WWOX: variants seen among roughly 807,000 people sequenced by gnomAD.
WWOX encodes the protein WW domain containing oxidoreductase.
Under a neutral mutation model 46.2 loss-of-function variants are expected in WWOX, and 69 were observed. The ratio of observed to expected loss-of-function variants is 1.49; its 90% CI spans 1.23 to 1.82. The LOEUF is 1.82. Ranked by LOEUF, WWOX falls within the 40% of genes most tolerant of loss-of-function variation. WWOX has a pLI of 0.00. For synonymous variants in WWOX, 359 were observed against 202.6 expected, an observed-to-expected ratio of 1.77 and a Z score of -6.56; for missense variants, 919 against 542.6, an observed-to-expected ratio of 1.69 and a Z score of -6.89.
intron 8 of WWOX, among the ~76,000 whole-genome samples, chr16:79,105,331 A>G (rs551576796): frequency 2.6e-5 from 4 of 152,284 alleles, no homozygotes; most frequent in East Asian, 3.9e-4. Context: ...AAAATAACAA[A>G]AGCAGAACGG....
chr16:78,276,932 G>T (rs553816152), intron 5 of WWOX, among the ~76,000 whole-genome samples: 15 of 152,168 alleles, frequency 9.9e-5, no homozygotes, highest in Non-Finnish European at 5.9e-5. Context: ...AGATTCCGTT[G>T]TGTGAAAAGG....
chr16:78,807,718 C>G (rs969879486), intron 8 of WWOX, among the ~76,000 whole-genome samples: 1 of 152,212 alleles, frequency 6.6e-6, no homozygotes, highest in Admixed American at 6.5e-5. Flanking sequence ...CGTACTGTTA[C>G]ATAATTGGGG....
At chr16:79,017,738 C>T (rs16949225) in intron 8 of WWOX, among the ~76,000 whole-genome samples, 1 of 151,516 alleles carries the variant, frequency 6.6e-6, no homozygotes, top group South Asian at 2.1e-4. Flanking sequence ...TCTAAAAAAG[C>T]CATGGGTTAT....
chr16:78,101,520 G>A (rs1364352697), intron 1 of WWOX, among the ~76,000 whole-genome samples: 1 of 151,810 alleles, frequency 6.6e-6, no homozygotes, highest in African/African-American at 2.4e-5. Flanking sequence ...CTAATTTCGC[G>A]CTGTTGGCCC....
chr16:78,652,189 A>G (rs929862748), intron 8 of WWOX, among the ~76,000 whole-genome samples: 3 of 152,098 alleles, frequency 2.0e-5, no homozygotes, highest in Non-Finnish European at 4.4e-5. Flanking sequence ...AGGTGGGCAG[A>G]TCACGAGGTC....
intron 8 of WWOX, among the ~76,000 whole-genome samples, chr16:78,969,532 A>G (rs1314506412): frequency 6.6e-5 from 10 of 152,012 alleles, no homozygotes; most frequent in African/African-American, 1.9e-4. Flanking sequence ...CAGCCTCCCA[A>G]AGTGCTGGGA....
At chr16:78,962,222 G>A (rs57952943) in intron 8 of WWOX, among the ~76,000 whole-genome samples, 6 of 150,256 alleles carry the variant, frequency 4.0e-5, no homozygotes, top group Admixed American at 2.7e-4. Context: ...GTGATGTTAT[G>A]TGGAGGTGGC....
At chr16:78,788,616 C>T (rs776093597) in intron 8 of WWOX, among the ~76,000 whole-genome samples, 7 of 152,174 alleles carry the variant, frequency 4.6e-5, no homozygotes, top group African/African-American at 9.7e-5. Flanking sequence ...CATACCTCGC[C>T]CTATGTGTCT....
chr16:78,941,092 C>T (rs1184405028), intron 8 of WWOX, among the ~76,000 whole-genome samples: 3 of 152,110 alleles, frequency 2.0e-5, no homozygotes, highest in Non-Finnish European at 4.4e-5. Flanking sequence ...GATTGCCTCA[C>T]ATCTTGCAAA....
At chr16:78,823,443 T>C (rs1004160868) in intron 8 of WWOX, among the ~76,000 whole-genome samples, 1 of 152,208 alleles carries the variant, frequency 6.6e-6, no homozygotes, top group Non-Finnish European at 1.5e-5. Flanking sequence ...GAAGTCATCA[T>C]CGCTTATCAT....
intron 8 of WWOX, among the ~76,000 whole-genome samples, chr16:79,015,277 A>T (rs1340230596): frequency 6.6e-6 from 1 of 152,220 alleles, no homozygotes; most frequent in African/African-American, 2.4e-5. Flanking sequence ...CAATGGGGTC[A>T]GAGGAAGCTC....
intron 8 of WWOX, among the ~76,000 whole-genome samples, chr16:79,093,525 A>T (rs2049006782): frequency 6.6e-6 from 1 of 152,056 alleles, no homozygotes; most frequent in East Asian, 1.9e-4. Flanking sequence ...AAAAAGAGTC[A>T]TTTAACAGTC....
chr16:78,868,193 C>A (rs1430471916), intron 8 of WWOX, among the ~76,000 whole-genome samples: 1 of 152,094 alleles, frequency 6.6e-6, no homozygotes, highest in Non-Finnish European at 1.5e-5. Flanking sequence ...TACTACTCAG[C>A]AATGAAAAGG....
chr16:78,484,619 A>G (rs2084584271), intron 8 of WWOX, among the ~76,000 whole-genome samples: 2 of 152,184 alleles, frequency 1.3e-5, no homozygotes, highest in Non-Finnish European at 2.9e-5. Context: ...AAGGTGGCAA[A>G]CGGTAGTATT....
Position 78,334,808 on chromosome 16 carries a change from G to GCACACACACA in WWOX, c.517-52037_517-52028dup, listed in dbSNP as rs752956790. Among the ~76,000 whole-genome samples, 12 of 78,754 alleles carry GCACACACACA rather than the reference G, an allele frequency of 1.5e-4. 2 individuals carry two copies. Among genetic ancestry groups the GCACACACACA allele is most frequent in the Non-Finnish European group, 2.3e-4 (8 of 34,462 alleles). The allele number at this position is 78,754 out of a possible 152,430, so 51.7% of individuals were successfully genotyped here. The stretch of plus-strand genomic sequence containing the variant: ...GTCTCCCCTCCACACACACACACAC[G>GCACACACACA]CACACACACACACACACACACACAT... On this transcript the variant is annotated intron_variant, in intron 5 of 8. Coordinates refer to ENST00000566780, the MANE Select transcript of WWOX (RefSeq NM_016373.4).
At chr16:78,406,303 A>AATATATATATATATAT (rs532594425) in intron 6 of WWOX, among the ~76,000 whole-genome samples, 3 of 57,836 alleles carry the variant, frequency 5.2e-5, no homozygotes, top group Non-Finnish European at 7.9e-5. Context: ...TATAAATATA[A>AATATATATATATATAT]ATATATATAT....
chr16:78,371,788 CTTTAT>C (rs2081696378), intron 5 of WWOX, among the ~76,000 whole-genome samples: 1 of 136,230 alleles, frequency 7.3e-6, no homozygotes. Flanking sequence ...TGATGTTTTT[CTTTAT>C]CTTTATCATT....
intron 5 of WWOX, among the ~76,000 whole-genome samples, chr16:78,313,012 C>T (rs149880852): frequency 2.3e-3 from 347 of 152,024 alleles, no homozygotes; most frequent in African/African-American, 7.5e-3. Flanking sequence ...TTTTCATTCA[C>T]GGGGGCAGAT....
At chr16:79,072,952 G>A (rs747068843) in intron 8 of WWOX, among the ~76,000 whole-genome samples, 6 of 152,024 alleles carry the variant, frequency 3.9e-5, no homozygotes, top group East Asian at 1.9e-4. Flanking sequence ...TTTGGACTCC[G>A]GGTCATTGAC....
Sources: allele counts gnomAD v4.1 joint callset (sites outside exome capture counted in the v4.1 genomes callset), GRCh38; gene constraint gnomAD v4.1.1; transcripts MANE v1.5; gene names NCBI Gene and HGNC (gene_info 2026-07-23, HGNC 2026-07-21).